The following MTHFD2L variants were observed in gnomAD, a reference collection of about 807,000 sequenced individuals.
MTHFD2L encodes methylenetetrahydrofolate dehydrogenase (NADP+ dependent) 2 like.
Under a neutral mutation model 34.9 loss-of-function variants are expected in MTHFD2L, and 29 were observed. The observed-to-expected ratio is 0.83, with a 90% CI of 0.62 to 1.13. The LOEUF (loss-of-function observed/expected upper bound fraction) is 1.13. MTHFD2L is among the 50% of genes most tolerant of loss of function. The pLI, the probability that MTHFD2L is intolerant of heterozygous loss-of-function variation, is 0.00. For missense variants in MTHFD2L, 481 were observed against 446.5 expected (o/e 1.08, Z -0.70); for synonymous variants, 167 against 155.7 (o/e 1.07, Z -0.54).
At chr4:74,285,098 C>A (rs1747993986) in intron 7 of MTHFD2L, among the ~76,000 whole-genome samples, 2 of 151,866 alleles carry the variant, frequency 1.3e-5, no homozygotes, top group South Asian at 4.2e-4. Flanking sequence ...GGACAAAAAA[C>A]CAAACACTGC....
rs369514820 is a variant in MTHFD2L, at chr4:74,215,409, T to A, written c.713-9893T>A. Reference sequence around the variant, plus strand: ...TATCTGGGCTGGAATGCATCGTCCCTCACATCACAGTTTCTCACAGCTTTC... The same window carrying A: ...TATCTGGGCTGGAATGCATCGTCCCACACATCACAGTTTCTCACAGCTTTC... On this transcript the variant is annotated intron_variant, in intron 5 of 7. Coordinates refer to ENST00000325278, the MANE Select transcript of MTHFD2L (RefSeq NM_001144978.3). Among the ~76,000 whole-genome samples the A allele has an allele frequency of 4.0e-5, 6 of 151,796 alleles. No homozygotes were observed. In the South Asian group the frequency reaches 8.3e-4, roughly 21 times the overall value.
intron 5 of MTHFD2L, among the ~76,000 whole-genome samples, chr4:74,203,163 C>T (rs1276947266): frequency 6.6e-6 from 1 of 151,856 alleles, no homozygotes; most frequent in Non-Finnish European, 1.5e-5. Context: ...ATGTGAATCA[C>T]AGTAAATTAA....
intron 5 of MTHFD2L, among the ~76,000 whole-genome samples, chr4:74,213,740 T>A (rs1478436038): frequency 6.6e-6 from 1 of 152,206 alleles, no homozygotes; most frequent in East Asian, 1.9e-4. Context: ...TTCCTGAATT[T>A]GAATGTTGGC....
At chr4:74,170,274 T>A (rs539610804) in intron 1 of MTHFD2L, among the ~76,000 whole-genome samples, 1 of 152,160 alleles carries the variant, frequency 6.6e-6, no homozygotes, top group Non-Finnish European at 1.5e-5. Context: ...GATAGATACA[T>A]AATAACCAAC....
chr4:74,161,704 A>G (rs905453370), intron 1 of MTHFD2L: 1 of 152,204 alleles, frequency 6.6e-6, no homozygotes, highest in Non-Finnish European at 1.5e-5. Flanking sequence ...TGGTCTTACT[A>G]ATAATTTGGC....
rs1168720652 is a variant in MTHFD2L at position 74,189,485 on chromosome 4, C to CCTTTTTTTTTTT, written c.452-10309_452-10308insCTTTTTTTTTTT. On this transcript the variant is annotated intron_variant, in intron 3 of 7. Transcript: ENST00000325278. Reference sequence around the variant, plus strand: ...CATTGAGCAAGCAGTGTTTTTCTTCCTTTTTTTTTTTTTTTTTTTTTTTTT... The same window carrying CCTTTTTTTTTTT: ...CATTGAGCAAGCAGTGTTTTTCTTCCCTTTTTTTTTTTTTTTTTTTTTTTTTTTTTTTTTTTT... 1.7e-3 allele frequency among the ~76,000 whole-genome samples: 203 copies of CCTTTTTTTTTTT among 119,750 alleles called. 14 individuals carry two copies. Among genetic ancestry groups the CCTTTTTTTTTTT allele is most frequent in the African/African-American group, 6.3e-3 (155 of 24,672 alleles). 78.6% of individuals were successfully genotyped at this position (119,750 alleles called of 152,430 possible). A position where few individuals can be genotyped will look rare whatever the true frequency, so the allele number is the denominator to read the frequency against.
chr4:74,256,255 G>T (rs183993096), intron 6 of MTHFD2L, among the ~76,000 whole-genome samples: 1 of 151,896 alleles, frequency 6.6e-6, no homozygotes, highest in East Asian at 1.9e-4. Context: ...GACTACAGGC[G>T]CATGCCACCA....
chr4:74,203,001 A>G (rs1245940765), intron 5 of MTHFD2L, among the ~76,000 whole-genome samples: 1 of 152,200 alleles, frequency 6.6e-6, no homozygotes, highest in East Asian at 1.9e-4. Flanking sequence ...TTGACATGAT[A>G]CTTATGACAT....
At chr4:74,167,369 GCCACAGGCTTGTGAA>G (rs1726938230) in intron 1 of MTHFD2L, among the ~76,000 whole-genome samples, 2 of 152,318 alleles carry the variant, frequency 1.3e-5, no homozygotes, top group South Asian at 4.1e-4. Context: ...GCAATGAAAG[GCCACAGGCTTGTGAA>G]CCATTAGGGA....
At chr4:74,135,122 GCATCACATTAGT>G in intron 1 of MTHFD2L, among the ~76,000 whole-genome samples, 1 of 151,764 alleles carries the variant, frequency 6.6e-6, no homozygotes, top group Non-Finnish European at 1.5e-5. Flanking sequence ...AGGCCTTAGA[GCATCACATTAGT>G]CAAATAAGAC....
chr4:74,190,627 T>C (rs976049187), intron 3 of MTHFD2L: 5 of 534,440 alleles, frequency 9.4e-6, no homozygotes, highest in African/African-American at 4.1e-5. Context: ...TGTCCCTTGA[T>C]GTTGAAACAA....
chr4:74,138,949 ACTAC>A (rs1723121860), intron 1 of MTHFD2L, among the ~76,000 whole-genome samples: 1 of 152,124 alleles, frequency 6.6e-6, no homozygotes, highest in African/African-American at 2.4e-5. Context: ...AGCCGTCTTT[ACTAC>A]CTGATTGGTT....
At chr4:74,156,871 T>A (rs777827009), upstream of MTHFD2L, 5 of 152,164 alleles carry the variant, frequency 3.3e-5, no homozygotes, top group African/African-American at 4.8e-5. Flanking sequence ...TGTTTTCAGA[T>A]CTTTTGCTCA....
intron 1 of MTHFD2L, among the ~76,000 whole-genome samples, chr4:74,166,895 A>C (rs1285591152): frequency 6.6e-6 from 1 of 152,216 alleles, no homozygotes; most frequent in Non-Finnish European, 1.5e-5. Flanking sequence ...TCTAGGTACC[A>C]GGTCTTCCCC....
chr4:74,174,610 A>C lies in MTHFD2L; in HGVS notation c.248A>C (p.His83Pro), dbSNP rs746145429. 52 of 1,606,158 alleles carry C rather than the reference A, an allele frequency of 3.2e-5. No individual in the cohort carries two copies. The East Asian group carries it at 1.2e-3, about 36-fold the overall frequency. The change falls in exon 2 of 8, where the codon CAC (histidine) becomes CCC (proline). Residue 83 changes from histidine to proline, a missense_variant. His to Pro is a moderately conservative substitution (Grantham distance 77). Coordinates refer to ENST00000325278, the MANE Select transcript of MTHFD2L (RefSeq NM_001144978.3). Reference sequence around the variant, plus strand: ...GTTTCCCTTGGAAACAGAAGACCTCACCTCAGTATAATTTTAGTGGGAGAT... The same window carrying C: ...GTTTCCCTTGGAAACAGAAGACCTCCCCTCAGTATAATTTTAGTGGGAGAT... ...SWVSLGNRRP[H>P]LSIILVGDNP... is the part of the protein sequence containing the mutation.
At chr4:74,233,490 C>T (rs1740393244) in intron 6 of MTHFD2L, among the ~76,000 whole-genome samples, 1 of 152,058 alleles carries the variant, frequency 6.6e-6, no homozygotes, top group African/African-American at 2.4e-5. Context: ...ATAATGGCTA[C>T]TAAGTGAAGG....
At chr4:74,245,542 A>G (rs1049457828) in intron 6 of MTHFD2L, among the ~76,000 whole-genome samples, 2 of 152,022 alleles carry the variant, frequency 1.3e-5, no homozygotes, top group Admixed American at 6.5e-5. Context: ...TTAGTTACAT[A>G]TGTATACATG....
In MTHFD2L at chr4:74,158,267, G is replaced by T. The variant is rs1387965402; in HGVS notation, c.129G>T (p.Arg43=). 7.0e-7 allele frequency: 1 copy of T among 1,438,810 alleles called. No individual in the cohort carries two copies. The highest frequency in any genetic ancestry group is 2.9e-5 in the Admixed American group (1 of 34,352). The allele number at this position is 1,438,810 out of a possible 1,614,324, so 89.1% of individuals were successfully genotyped here. A position where few individuals can be genotyped will look rare whatever the true frequency, so the allele number is the denominator to read the frequency against. Residue 43 remains arginine, a synonymous_variant, in exon 1 of 8, where the codon CGG becomes CGT. Transcript: ENST00000325278. ...CCGGGAGTGCGTTCCGGGGCTTTCG[G>T]AGCAGCGGTGTGAGGTACGAGGGCT... ...GEPGSAFRGF[R]SSGVRHEAII... is the part of the protein sequence containing the mutation.
chr4:74,204,195 G>T (rs1041389133), intron 5 of MTHFD2L, among the ~76,000 whole-genome samples: 6 of 151,970 alleles, frequency 3.9e-5, no homozygotes, highest in Non-Finnish European at 8.8e-5. Context: ...CTGTGATCTC[G>T]GGCAAGTCAT....
Sources: gnomAD v4.1 joint callset for allele counts (sites outside exome capture counted in the v4.1 genomes callset) on GRCh38, gnomAD v4.1.1 for gene constraint, MANE v1.5 for transcripts, NCBI Gene and HGNC (gene_info 2026-07-23, HGNC 2026-07-21) for gene names.